Variants in JAK1 observed in about 807,000 individuals in gnomAD.
The protein encoded by JAK1 is tyrosine-protein kinase JAK1.
Under a neutral mutation model 136.6 loss-of-function variants are expected in JAK1, and 16 were observed. The observed-to-expected ratio is 0.12, with a 90% confidence interval of 0.08 to 0.18. JAK1 has a LOEUF of 0.18. Among genes scored for constraint, JAK1 ranks in the 10% least tolerant of loss-of-function variants. The probability of loss-of-function intolerance (pLI) is 1.00; values close to 1 mark genes in which losing one functional copy is unlikely to be tolerated. For synonymous variants in JAK1, 492 were observed against 519.5 expected (o/e 0.95, Z 0.72); for missense variants, 859 against 1,450.1 (o/e 0.59, Z 6.62).
chr1:64,909,028 AAGAC>A (rs1335694704), intron 1 of JAK1, among the ~76,000 whole-genome samples: 2 of 152,220 alleles, frequency 1.3e-5, no homozygotes, highest in Admixed American at 6.5e-5. Context: ...TAATTACAAA[AAGAC>A]AGAAGAACTG....
chr1:65,012,661 G>A (rs1280866971), intron 2 of JAK1, among the ~76,000 whole-genome samples: 1 of 151,970 alleles, frequency 6.6e-6, no homozygotes, highest in African/African-American at 2.4e-5. Flanking sequence ...GCATGATGGT[G>A]TGCACCTGTG....
chr1:65,049,637 G>A (rs1357835140), intron 1 of JAK1, among the ~76,000 whole-genome samples: 1 of 152,170 alleles, frequency 6.6e-6, no homozygotes, highest in Non-Finnish European at 1.5e-5. Context: ...AGGCACTGCT[G>A]TGGTCCACAG....
chr1:64,879,562 A>G (rs2101222176), intron 3 of JAK1, among the ~76,000 whole-genome samples: 1 of 152,332 alleles, frequency 6.6e-6, no homozygotes, highest in Admixed American at 6.5e-5. Context: ...TCTGTTTCCT[A>G]CAGAAAGCAC....
chr1:64,900,139 G>A (rs1236027078), intron 1 of JAK1, among the ~76,000 whole-genome samples: 1 of 152,196 alleles, frequency 6.6e-6, no homozygotes, highest in Non-Finnish European at 1.5e-5. Flanking sequence ...ATTCAGGAGA[G>A]CCAATTCACC....
chr1:65,024,358 C>T (rs1160908636), intron 2 of JAK1, among the ~76,000 whole-genome samples: 3 of 152,066 alleles, frequency 2.0e-5, no homozygotes, highest in East Asian at 1.9e-4. Flanking sequence ...TGATTAATGA[C>T]GTTGAACATC....
intron 1 of JAK1, among the ~76,000 whole-genome samples, chr1:64,913,655 A>AGAAGGAAGGAGGGAAGGAAG (rs1645328815): frequency 2.9e-5 from 1 of 34,448 alleles, no homozygotes; most frequent in Admixed American, 3.8e-4. Flanking sequence ...AAGGAAGGAA[A>AGAAGGAAGGAGGGAAGGAAG]GAAGGAAGGA....
chr1:64,889,424 G>C (rs1644901308), intron 1 of JAK1, among the ~76,000 whole-genome samples: 1 of 152,148 alleles, frequency 6.6e-6, no homozygotes, highest in Admixed American at 6.5e-5. Flanking sequence ...TTATAAAATT[G>C]TCAAGGATTT....
chr1:65,011,847 G>A (rs1354240153), intron 2 of JAK1, among the ~76,000 whole-genome samples: 2 of 152,234 alleles, frequency 1.3e-5, no homozygotes, highest in African/African-American at 4.8e-5. Flanking sequence ...TCCCAGGGAA[G>A]GAAGGTGTTT....
intron 2 of JAK1, among the ~76,000 whole-genome samples, chr1:64,975,992 G>A (rs779393083): frequency 6.6e-6 from 1 of 152,246 alleles, no homozygotes; most frequent in Non-Finnish European, 1.5e-5. Flanking sequence ...AGTACACTGA[G>A]TTTGGGGACC....
intron 19 of JAK1, 63 bp downstream of exon 19, chr1:64,841,182 G>T: frequency 8.6e-7 from 1 of 1,157,480 alleles, no homozygotes; most frequent in South Asian, 1.2e-5. Context: ...TACGTGCAGA[G>T]AGTGGCGCTG....
rs1419462326 is a variant in JAK1 at position 64,834,591 on chromosome 1, T to C, written c.3436A>G (p.Ile1146Val). The C allele has an allele frequency of 6.2e-7, 1 of 1,610,618 alleles. No individual in the cohort carries two copies. The highest frequency in any genetic ancestry group is 8.5e-7 in the Non-Finnish European group (1 of 1,177,026). The change falls in exon 25 of 25, where the codon ATT becomes GTT. Residue 1146 changes from isoleucine to valine, a missense_variant. By Grantham distance (29) the Ile-to-Val change is conservative. Coordinates refer to ENST00000342505, the MANE Select transcript of JAK1 (RefSeq NM_002227.4). ...PSNRTSFQNLIEGFEALLK is the reference protein window; with the variant it reads ...PSNRTSFQNLVEGFEALLK ...TTTAAAAGTGCTTCAAATCCTTCAATAAGGTTCTGAAAGCTTGTCCGATTG... is the reference window on the plus strand; with the variant it reads ...TTTAAAAGTGCTTCAAATCCTTCAACAAGGTTCTGAAAGCTTGTCCGATTG...
At chr1:64,847,313 G>A (rs1000501979) in intron 13 of JAK1, among the ~76,000 whole-genome samples, 6 of 152,154 alleles carry the variant, frequency 3.9e-5, no homozygotes, top group Non-Finnish European at 7.3e-5. Flanking sequence ...GGGGTGGAAG[G>A]GAGGGCACAG....
chr1:64,947,625 T>TC (rs2100557461), intron 1 of JAK1, among the ~76,000 whole-genome samples: 1 of 151,300 alleles, frequency 6.6e-6, no homozygotes, highest in Non-Finnish European at 1.5e-5. Context: ...ATAAATCCTT[T>TC]TTTTTTTTTA....
At chr1:64,964,758 C>T (rs1179299434) in intron 1 of JAK1, among the ~76,000 whole-genome samples, 1 of 152,158 alleles carries the variant, frequency 6.6e-6, no homozygotes, top group Non-Finnish European at 1.5e-5. Context: ...ATGATTATTC[C>T]TATTTATAAT....
intron 1 of JAK1, among the ~76,000 whole-genome samples, chr1:64,910,121 G>A (rs1645257682): frequency 6.6e-6 from 1 of 152,046 alleles, no homozygotes; most frequent in African/African-American, 2.4e-5. Context: ...CTTTATATTC[G>A]TTATTTATTT....
intron 1 of JAK1, among the ~76,000 whole-genome samples, chr1:64,951,466 A>G (rs1247837843): frequency 6.6e-6 from 1 of 152,182 alleles, no homozygotes; most frequent in Non-Finnish European, 1.5e-5. Context: ...GCCAAACACA[A>G]TGGCAGTGGT....
intron 2 of JAK1, among the ~76,000 whole-genome samples, chr1:64,978,205 G>C (rs1231447535): frequency 6.6e-6 from 1 of 151,774 alleles, no homozygotes; most frequent in Non-Finnish European, 1.5e-5. Flanking sequence ...TTGAACTCAA[G>C]AGGCACACGT....
chr1:65,050,885 G>C (rs1403531659), intron 1 of JAK1, among the ~76,000 whole-genome samples: 3 of 152,144 alleles, frequency 2.0e-5, no homozygotes, highest in Non-Finnish European at 4.4e-5. Flanking sequence ...GGGAGCCTGA[G>C]AGCCTCCTCA....
At chr1:64,926,864 C>G (rs140863760) in intron 1 of JAK1, among the ~76,000 whole-genome samples, 1 of 152,142 alleles carries the variant, frequency 6.6e-6, no homozygotes, top group Non-Finnish European at 1.5e-5. Flanking sequence ...AAACAATGAT[C>G]GTAACACATG....
Sources: gnomAD v4.1 joint callset for allele counts (sites outside exome capture counted in the v4.1 genomes callset) on GRCh38, gnomAD v4.1.1 for gene constraint, MANE v1.5 for transcripts, NCBI Gene and HGNC (gene_info 2026-07-23, HGNC 2026-07-21) for gene names.